The following EML5 variants were observed in gnomAD, a reference collection of about 807,000 sequenced individuals.
EML5 encodes the protein echinoderm microtubule-associated protein-like 5.
In EML5, 120 loss-of-function variants were observed where a neutral mutation model predicts 250.0. The ratio of observed to expected loss-of-function variants is 0.48; its 90% CI spans 0.41 to 0.56. EML5 has a LOEUF of 0.56. EML5 is among the 20% of genes least tolerant of loss of function. The pLI, the probability that EML5 is intolerant of heterozygous loss-of-function variation, is 0.00. For synonymous variants in EML5, 771 were observed against 806.5 expected (o/e 0.96, Z 0.75); for missense variants, 2,006 against 2,437.6 (o/e 0.82, Z 3.73).
At chr14:88,762,789 A>C (rs2094264162) in intron 1 of EML5, among the ~76,000 whole-genome samples, 1 of 152,210 alleles carries the variant, frequency 6.6e-6, no homozygotes, top group Non-Finnish European at 1.5e-5. Context: ...AATGTAAAAG[A>C]ATGGAAATCA....
chr14:88,744,402 C>G (rs139702303), intron 3 of EML5, among the ~76,000 whole-genome samples: 2 of 151,746 alleles, frequency 1.3e-5, no homozygotes, highest in East Asian at 3.9e-4. Context: ...AATTAGGACA[C>G]GAAGGGAGGT....
At chr14:88,715,822 C>T (rs542934219) in intron 8 of EML5, among the ~76,000 whole-genome samples, 36 of 152,116 alleles carry the variant, frequency 2.4e-4, no homozygotes, top group African/African-American at 7.7e-4. Context: ...ACCACCATAC[C>T]CGGCTAATCT....
At position 88,736,660 on chromosome 14, in the gene EML5, G is replaced by A. The variant is rs147932528; in HGVS notation, c.848-95C>T. On this transcript the variant is annotated intron_variant, in intron 6 of 43. Coordinates refer to ENST00000554922, the MANE Select transcript of EML5 (RefSeq NM_183387.3). Reference sequence around the variant, plus strand: ...CCTATGCAGATAGGGGCAAGTCCCGGTGAAAGCCAACCTTCAAACCTAAGA... The same window carrying A: ...CCTATGCAGATAGGGGCAAGTCCCGATGAAAGCCAACCTTCAAACCTAAGA... 3,833 of 1,213,242 alleles carry A rather than the reference G, an allele frequency of 3.2e-3. 8 individuals carry two copies. The highest frequency in any genetic ancestry group is 4.2e-3 in the Non-Finnish European group (3,545 of 852,732). 75.2% of individuals were successfully genotyped at this position (1,213,242 alleles called of 1,614,324 possible). A position where few individuals can be genotyped will look rare whatever the true frequency, so the allele number is the denominator to read the frequency against.
intron 38 of EML5, 72 bp downstream of exon 38, chr14:88,621,041 C>G: frequency 3.3e-6 from 5 of 1,504,494 alleles, no homozygotes; most frequent in East Asian, 2.4e-5. Flanking sequence ...TCTTTAAGTA[C>G]TAGCAATTTA....
intron 1 of EML5, among the ~76,000 whole-genome samples, chr14:88,784,612 C>A (rs1391093896): frequency 6.6e-6 from 1 of 151,862 alleles, no homozygotes; most frequent in African/African-American, 2.4e-5. Flanking sequence ...ATGAACAGAC[C>A]AATAACAAAT....
chr14:88,625,019 A>T lies in EML5; in HGVS notation c.4849T>A (p.Tyr1617Asn). The change falls in exon 36 of 44, where the codon TAC becomes AAC. Residue 1617 changes from tyrosine (Y) to asparagine (N), a missense_variant. Physicochemically the swap from Tyr to Asn is moderately radical, Grantham distance 143 (BLOSUM62 -2). Coordinates refer to ENST00000554922, the MANE Select transcript of EML5 (RefSeq NM_183387.3). ...ATAAGTCCATCTCGCAGGGTGGTGTACATGGCAAACACAGGCCCGTTGTGA... is the reference window on the plus strand; with the variant it reads ...ATAAGTCCATCTCGCAGGGTGGTGTTCATGGCAAACACAGGCCCGTTGTGA... ...RAHNGPVFAM[Y>N]TTLRDGLIVT... 6.2e-7 allele frequency: 1 copy of T among 1,613,788 alleles called. No homozygotes were observed. The highest frequency in any genetic ancestry group is 8.5e-7 in the Non-Finnish European group (1 of 1,179,714).
intron 6 of EML5, among the ~76,000 whole-genome samples, chr14:88,736,907 C>A (rs1409410350): frequency 1.3e-5 from 2 of 151,926 alleles, no homozygotes; most frequent in Non-Finnish European, 2.9e-5. Flanking sequence ...AGCATGCAAT[C>A]CCCCATTCTG....
chr14:88,661,958 G>A, intron 24 of EML5, 128 bp from the exon 25 acceptor site: 1 of 874,492 alleles, frequency 1.1e-6, no homozygotes, highest in Non-Finnish European at 1.7e-6. Flanking sequence ...TGAAAAAATA[G>A]TTAAATTATT....
chr14:88,651,756 T>C (rs917325028), intron 27 of EML5, among the ~76,000 whole-genome samples: 10 of 151,962 alleles, frequency 6.6e-5, no homozygotes, highest in Non-Finnish European at 1.3e-4. Context: ...AATAAATACA[T>C]ATGTAGCGCT....
At chr14:88,649,088 G>T (rs1323869450) in intron 28 of EML5, among the ~76,000 whole-genome samples, 2 of 151,814 alleles carry the variant, frequency 1.3e-5, no homozygotes, top group African/African-American at 4.8e-5. Flanking sequence ...GGAGTGTAGT[G>T]ATGCCATCAC....
chr14:88,708,552 T>G (rs1424739182), intron 10 of EML5, among the ~76,000 whole-genome samples: 1 of 152,068 alleles, frequency 6.6e-6, no homozygotes, highest in Non-Finnish European at 1.5e-5. Flanking sequence ...ACTTTTGAGT[T>G]GGAATGCTAG....
chr14:88,654,531 T>C (rs2091784969), intron 27 of EML5, among the ~76,000 whole-genome samples: 1 of 152,240 alleles, frequency 6.6e-6, no homozygotes, highest in South Asian at 2.1e-4. Context: ...CTTAATTCTG[T>C]TATTTACCCA....
chr14:88,620,815 C>G lies in EML5; in HGVS notation c.5314G>C (p.Val1772Leu). The change falls in exon 39 of 44, where the codon GTG becomes CTG. Residue 1772 changes from valine to leucine, a missense_variant. Transcript: ENST00000554922. This position sits in a 1 kb window ranked among gnomAD's most constrained non-coding sequence, Gnocchi z 4.3. ...MKNGEFIILL[V>L]SSLKIWGKKR... ...TTTCCCCATATTTTTAGAGAACTCA[C>G]TAGTAAAATGATAAATTCTCCATTT... 6.2e-7 allele frequency: 1 copy of G among 1,608,980 alleles called. No individual in the cohort carries two copies. Among genetic ancestry groups the G allele is most frequent in the Middle Eastern group, 1.7e-4 (1 of 6,044 alleles).
At chr14:88,730,579 C>A (rs565367639) in intron 7 of EML5, among the ~76,000 whole-genome samples, 1 of 152,242 alleles carries the variant, frequency 6.6e-6, no homozygotes, top group East Asian at 1.9e-4. Flanking sequence ...TTTAAAAACA[C>A]GACAAATAAT....
At chr14:88,753,896 G>A (rs1031440559) in intron 2 of EML5, among the ~76,000 whole-genome samples, 2 of 152,030 alleles carry the variant, frequency 1.3e-5, no homozygotes, top group African/African-American at 4.8e-5. Flanking sequence ...AGCACTTTGG[G>A]AGGTCAACAA....
rs140151184 is a variant in EML5 at position 88,782,794 on chromosome 14, C to T, written c.197+9513G>A. 6.0e-4 allele frequency among the ~76,000 whole-genome samples: 92 copies of T among 152,272 alleles called. 1 individual carries two copies. In the East Asian group the frequency reaches 0.016, roughly 26 times the overall value. On this transcript the variant is annotated intron_variant, in intron 1 of 43. Transcript: ENST00000554922. ...AGATTTCAGAGAATGTATGAAAATGCCTGGATCGGGCACGGTGGCTCACAT... is the reference window on the plus strand; with the variant it reads ...AGATTTCAGAGAATGTATGAAAATGTCTGGATCGGGCACGGTGGCTCACAT...
chr14:88,642,303 G>T (rs2091105688), intron 31 of EML5, among the ~76,000 whole-genome samples: 1 of 152,156 alleles, frequency 6.6e-6, no homozygotes, highest in Admixed American at 6.5e-5. Flanking sequence ...TTCATGAAAT[G>T]ATGCTAACAG....
chr14:88,662,461 T>C (rs986497657), intron 24 of EML5, among the ~76,000 whole-genome samples: 19 of 150,140 alleles, frequency 1.3e-4, no homozygotes, highest in African/African-American at 4.4e-4. Context: ...TTAGATGGCA[T>C]GTCTTCTATT....
intron 8 of EML5, among the ~76,000 whole-genome samples, chr14:88,726,137 A>C (rs1301290185): frequency 1.3e-5 from 2 of 152,180 alleles, no homozygotes; most frequent in Non-Finnish European, 2.9e-5. Context: ...AGCATTTTTT[A>C]AAGCATAAGG....
Sources: gnomAD v4.1 joint callset for allele counts (sites outside exome capture counted in the v4.1 genomes callset) on GRCh38, gnomAD v4.1.1 for gene constraint, Gnocchi (gnomAD v3.1) non-coding constraint, MANE v1.5 for transcripts, NCBI Gene and HGNC (gene_info 2026-07-23, HGNC 2026-07-21) for gene names.